OOSP1: variants seen among roughly 807,000 people sequenced by gnomAD.
OOSP1 encodes the protein oocyte secreted protein 1, also known as putative oocyte-secreted protein 1 homolog.
In OOSP1, 11 loss-of-function variants were observed where a neutral mutation model predicts 5.7. The ratio of observed to expected loss-of-function variants is 1.94; its 90% CI spans 1.22 to 3.20. The LOEUF (loss-of-function observed/expected upper bound fraction) is 3.20, where lower values mean the gene tolerates loss of function less well. OOSP1 is among the 30% of genes most tolerant of loss of function. The probability of loss-of-function intolerance (pLI) is 0.00; values close to 1 mark genes in which losing one functional copy is unlikely to be tolerated. For missense variants in OOSP1, 83 were observed against 54.1 expected, an observed-to-expected ratio of 1.53 and a Z score of -1.67; for synonymous variants, 44 against 20.0, an observed-to-expected ratio of 2.20 and a Z score of -3.20.
At chr11:59,945,737 C>T (rs371701907) in intron 3 of OOSP1, among the ~76,000 whole-genome samples, 20 of 106,710 alleles carry the variant, frequency 1.9e-4, no homozygotes, top group East Asian at 1.1e-3. Flanking sequence ...GGTGACAGAG[C>T]GAGACTCTGT....
intron 4 of OOSP1, among the ~76,000 whole-genome samples, chr11:59,950,833 T>C (rs867224994): frequency 2.0e-5 from 3 of 152,026 alleles, no homozygotes; most frequent in Non-Finnish European, 4.4e-5. Flanking sequence ...GGGGTCATTG[T>C]AGGGGAAAGT....
intron 4 of OOSP1, chr11:59,948,714 T>C: frequency 5.0e-6 from 2 of 398,086 alleles, no homozygotes; most frequent in Admixed American, 8.8e-5. Flanking sequence ...AGAATCTGAC[T>C]GCTACACTCC....
At chr11:59,940,791 T>A (rs1029156388) in intron 1 of OOSP1, among the ~76,000 whole-genome samples, 2 of 152,236 alleles carry the variant, frequency 1.3e-5, no homozygotes, top group Admixed American at 1.3e-4. Flanking sequence ...GATGTCTTAC[T>A]TTTTGCTAAT....
At chr11:59,950,485 T>C (rs999686000) in intron 4 of OOSP1, among the ~76,000 whole-genome samples, 2 of 152,150 alleles carry the variant, frequency 1.3e-5, no homozygotes, top group African/African-American at 4.8e-5. Flanking sequence ...AAGAGGTTGC[T>C]GAGAGAAGGC....
intron 4 of OOSP1, among the ~76,000 whole-genome samples, chr11:59,955,760 G>A (rs1246678135): frequency 6.6e-6 from 1 of 152,000 alleles, no homozygotes; most frequent in Non-Finnish European, 1.5e-5. Context: ...CAGTCTCTGA[G>A]TAGCTGGGAC....
rs572147567 is a variant in OOSP1 at position 59,944,365 on chromosome 11, G to T, written c.259-804G>T. Among the ~76,000 whole-genome samples, 14 of 142,954 alleles carry T rather than the reference G, an allele frequency of 9.8e-5. No homozygotes were observed. In the South Asian group the frequency reaches 1.8e-3, roughly 18 times the overall value. The allele number at this position is 142,954 out of a possible 152,430, so 93.8% of individuals were successfully genotyped here. ...CAACCTTGATATAAACTGCGGGGGG[G>T]GGGCAGGGAATATTCAAATGTTAAC... On this transcript the variant is annotated intron_variant, in intron 2 of 4. Transcript: ENST00000646685.
At chr11:59,944,309 T>C (rs1464576293) in intron 2 of OOSP1, among the ~76,000 whole-genome samples, 1 of 118,608 alleles carries the variant, frequency 8.4e-6, no homozygotes, top group Non-Finnish European at 1.6e-5. Context: ...ACAGGTCTAA[T>C]ACACCACAGC....
At chr11:59,939,593 C>CTT (rs61407778) in intron 1 of OOSP1, among the ~76,000 whole-genome samples, 10 of 149,542 alleles carry the variant, frequency 6.7e-5, no homozygotes, top group South Asian at 2.1e-4. Flanking sequence ...CTCTCTTTTT[C>CTT]TTTTTTTTCT....
intron 1 of OOSP1, among the ~76,000 whole-genome samples, chr11:59,942,600 A>G (rs1853841138): frequency 6.6e-6 from 1 of 152,104 alleles, no homozygotes; most frequent in East Asian, 1.9e-4. Context: ...CTTATTTTGT[A>G]TTGATTTTTT....
intron 4 of OOSP1, among the ~76,000 whole-genome samples, chr11:59,951,744 C>T (rs549009924): frequency 7.6e-5 from 7 of 92,712 alleles, no homozygotes; most frequent in South Asian, 3.5e-4. Flanking sequence ...GAGTCTCATT[C>T]TGTCGCCAGG....
chr11:59,950,505 G>T (rs1006905216), intron 4 of OOSP1, among the ~76,000 whole-genome samples: 2 of 152,160 alleles, frequency 1.3e-5, no homozygotes, highest in Non-Finnish European at 2.9e-5. Context: ...CAGAGCCTTT[G>T]AATGAGCCAA....
intron 1 of OOSP1, among the ~76,000 whole-genome samples, chr11:59,940,840 T>C (rs1170996600): frequency 6.6e-6 from 1 of 152,244 alleles, no homozygotes; most frequent in African/African-American, 2.4e-5. Context: ...AAGGAACGTC[T>C]TATTTTTAGG....
intron 3 of OOSP1, among the ~76,000 whole-genome samples, chr11:59,946,915 ATATCTATCTATCTATCTATCTATC>A (rs10555344): frequency 4.1e-5 from 6 of 145,132 alleles, no homozygotes; most frequent in South Asian, 4.5e-4. Context: ...CTCATCTACC[ATATCTATCTATCTATCTATCTATC>A]TATCTATCTA....
At chr11:59,957,081 C>A (rs1392967113) in intron 4 of OOSP1, 114 bp from the exon 5 acceptor site, 1 of 390,998 alleles carries the variant, frequency 2.6e-6, no homozygotes, top group African/African-American at 2.1e-5. Flanking sequence ...CCTTTCTGTT[C>A]ACTTTTACCT....
intron 1 of OOSP1, among the ~76,000 whole-genome samples, chr11:59,939,793 T>C (rs1853806921): frequency 1.3e-5 from 2 of 151,976 alleles, no homozygotes; most frequent in South Asian, 4.1e-4. Context: ...TTTCTTTTCT[T>C]TTTCTCTTTC....
intron 4 of OOSP1, among the ~76,000 whole-genome samples, chr11:59,956,603 T>A (rs1853995938): frequency 6.6e-6 from 1 of 152,154 alleles, no homozygotes; most frequent in Non-Finnish European, 1.5e-5. Context: ...AGGTGCTTGG[T>A]TACATGAGTA....
In OOSP1 at chr11:59,942,737, T is replaced by C; in HGVS notation, c.77-110T>C. Reference sequence around the variant, plus strand: ...AACTTGTTCACCTCTTAAGACATTTTGTTTTAGTAAGGGATGATCTCTTCA... The same window carrying C: ...AACTTGTTCACCTCTTAAGACATTTCGTTTTAGTAAGGGATGATCTCTTCA... On this transcript the variant is annotated intron_variant, in intron 1 of 4. Transcript: ENST00000646685. 10 of 592,950 alleles carry C rather than the reference T, an allele frequency of 1.7e-5. No homozygotes were observed. The South Asian group carries it at 2.1e-4, about 13-fold the overall frequency. The allele number at this position is 592,950 out of a possible 1,614,324, so 36.7% of individuals were successfully genotyped here.
exon 4 of OOSP1, chr11:59,947,857 A>G (rs1853901841): frequency 2.5e-6 from 1 of 398,778 alleles, no homozygotes; most frequent in Non-Finnish European, 4.4e-6. Flanking sequence ...CTGCAACACA[A>G]TCTTGGTAAG....
At chr11:59,943,267 G>A (rs1276191457) in intron 2 of OOSP1, among the ~76,000 whole-genome samples, 3 of 151,260 alleles carry the variant, frequency 2.0e-5, no homozygotes, top group African/African-American at 7.3e-5. Flanking sequence ...TAAATGACGA[G>A]TTAATGGGTG....
Sources: allele counts gnomAD v4.1 joint callset (sites outside exome capture counted in the v4.1 genomes callset), GRCh38; gene constraint gnomAD v4.1.1; transcripts MANE v1.5; gene names NCBI Gene and HGNC (gene_info 2026-07-23, HGNC 2026-07-21).